Variants in GABRA2 observed in about 807,000 individuals in gnomAD.
The protein encoded by GABRA2 is gamma-aminobutyric acid type A receptor subunit alpha2, also known as gamma-aminobutyric acid receptor subunit alpha-2.
Under a neutral mutation model 48.7 loss-of-function variants are expected in GABRA2, and 16 were observed. That is an observed-to-expected ratio of 0.33 (90% CI 0.22 to 0.50). The LOEUF is 0.50. Among genes scored for constraint, GABRA2 ranks in the 20% least tolerant of loss-of-function variants. The pLI is 0.98. For missense variants in GABRA2, 275 were observed against 535.6 expected, an observed-to-expected ratio of 0.51 and a Z score of 4.80; for synonymous variants, 185 against 184.5, an observed-to-expected ratio of 1.00 and a Z score of -0.02.
chr4:46,373,793 T>C (rs949513715), intron 3 of GABRA2, among the ~76,000 whole-genome samples: 3 of 152,200 alleles, frequency 2.0e-5, no homozygotes, highest in Non-Finnish European at 2.9e-5. Context: ...TACTCGAATA[T>C]GTGTTGCACA....
rs181663160 is a variant in GABRA2, at chr4:46,305,417, A to G, written c.703+151T>C. 1,623 of 641,606 alleles carry G rather than the reference A, an allele frequency of 2.5e-3. 23 individuals are homozygous for G. In the African/African-American group the frequency reaches 0.027, roughly 11 times the overall value. The allele number at this position is 641,606 out of a possible 1,614,324, so 39.7% of individuals were successfully genotyped here. On this transcript the variant is annotated intron_variant, in intron 7 of 9. Transcript: ENST00000381620. ...ACCCTAAAACTTAAAGTATAATTAA[A>G]AAAAAAAAAAACAAGCTCCCAAGCA...
At chr4:46,377,280 A>G (rs1295977769) in intron 3 of GABRA2, among the ~76,000 whole-genome samples, 3 of 138,752 alleles carry the variant, frequency 2.2e-5, no homozygotes, top group African/African-American at 8.3e-5. Flanking sequence ...CATCCCATCT[A>G]GGAAGTGAGG....
At chr4:46,273,444 A>C (rs1336060675) in intron 8 of GABRA2, among the ~76,000 whole-genome samples, 1 of 43,560 alleles carries the variant, frequency 2.3e-5, no homozygotes, top group South Asian at 1.4e-3. Context: ...ATATTTAGAC[A>C]GTCTCTCTAT....
At chr4:46,267,910 T>C (rs1405621422) in intron 8 of GABRA2, among the ~76,000 whole-genome samples, 2 of 151,948 alleles carry the variant, frequency 1.3e-5, no homozygotes, top group Non-Finnish European at 2.9e-5. Context: ...ATGGATGCTG[T>C]TTCAGATTTT....
At chr4:46,389,616 T>C (rs1055083936) in intron 1 of GABRA2, 119 bp downstream of exon 1, 2 of 553,630 alleles carry the variant, frequency 3.6e-6, no homozygotes, top group Non-Finnish European at 4.6e-6. Context: ...GGTGCGGGAA[T>C]TGAGCCTCCT....
intron 4 of GABRA2, among the ~76,000 whole-genome samples, chr4:46,329,351 G>T (rs1294896301): frequency 6.6e-6 from 1 of 152,026 alleles, no homozygotes; most frequent in East Asian, 1.9e-4. Context: ...TTCTTTCTTG[G>T]TCTCTCTGGG....
chr4:46,362,435 T>C (rs898722385), intron 3 of GABRA2, among the ~76,000 whole-genome samples: 5 of 152,170 alleles, frequency 3.3e-5, no homozygotes, highest in Non-Finnish European at 7.3e-5. Flanking sequence ...CCTCTTTCTT[T>C]TGTGAATTGC....
chr4:46,370,960 A>G (rs1714796426), intron 3 of GABRA2, among the ~76,000 whole-genome samples: 1 of 152,060 alleles, frequency 6.6e-6, no homozygotes, highest in Non-Finnish European at 1.5e-5. Flanking sequence ...GGGGCATTGT[A>G]GGTTACTGAA....
intron 8 of GABRA2, among the ~76,000 whole-genome samples, chr4:46,285,026 CAAAAAA>C (rs201301399): frequency 8.4e-6 from 1 of 118,516 alleles, no homozygotes; most frequent in Non-Finnish European, 1.8e-5. Flanking sequence ...TGCTCACCCT[CAAAAAA>C]AAAAAAAAAA....
intron 8 of GABRA2, among the ~76,000 whole-genome samples, chr4:46,265,471 T>G (rs1201155638): frequency 9.4e-6 from 1 of 105,958 alleles, no homozygotes; most frequent in Non-Finnish European, 1.8e-5. Context: ...ATATATATAA[T>G]ATATTGTGTA....
rs777971468 is a variant in GABRA2 at position 46,250,424 on chromosome 4, C to T, written c.1240G>A (p.Val414Ile). The change falls in exon 10 of 10, where the codon GTT becomes ATT. Residue 414 changes from valine (V) to isoleucine (I), a missense_variant. Val to Ile is a conservative substitution (Grantham distance 29). Coordinates refer to ENST00000381620, the MANE Select transcript of GABRA2 (RefSeq NM_000807.4). ...CTGGACATTCTGTCAATTTTGCTAA[C>T]ACTGTTGAAAGTTTTCTTTGCTTCA... Reference protein sequence around the residue: ...PAEAKKTFNSVSKIDRMSRIV... With the variant: ...PAEAKKTFNSISKIDRMSRIV... 1.2e-6 allele frequency: 2 copies of T among 1,611,840 alleles called. No homozygotes were observed. Among genetic ancestry groups the T allele is most frequent in the Non-Finnish European group, 8.5e-7 (1 of 1,178,560 alleles).
At chr4:46,284,091 A>T (rs954882144) in intron 8 of GABRA2, among the ~76,000 whole-genome samples, 1 of 151,970 alleles carries the variant, frequency 6.6e-6, no homozygotes, top group East Asian at 1.9e-4. Context: ...AAAAAAAAAA[A>T]AAAACTCTGT....
chr4:46,369,124 A>C, intron 3 of GABRA2: 1 of 614,796 alleles, frequency 1.6e-6, no homozygotes, highest in Non-Finnish European at 3.0e-6. Context: ...AATATACTCA[A>C]ACGTTTCCTT....
chr4:46,316,147 T>A (rs1728520537), intron 4 of GABRA2, among the ~76,000 whole-genome samples: 1 of 151,960 alleles, frequency 6.6e-6, no homozygotes. Context: ...CACAATATCA[T>A]CATCGTTTTT....
intron 8 of GABRA2, chr4:46,303,151 CAA>C (rs55754015): frequency 4.4e-3 from 925 of 209,314 alleles, no homozygotes; most frequent in Middle Eastern, 0.011. Context: ...ATTTTTTGAG[CAA>C]AAAAAAAAAA....
At chr4:46,312,779 A>G (rs2109693239) in intron 4 of GABRA2, 63 bp from the exon 5 acceptor site, 1 of 800,676 alleles carries the variant, frequency 1.2e-6, no homozygotes, top group Non-Finnish European at 1.9e-6. Flanking sequence ...ACACGGTAAA[A>G]TTCCAAAATA....
chr4:46,350,058 T>G (rs937270176), intron 3 of GABRA2, among the ~76,000 whole-genome samples: 2 of 151,826 alleles, frequency 1.3e-5, no homozygotes, highest in Non-Finnish European at 2.9e-5. Flanking sequence ...TGATCAAAAT[T>G]TATCTTCATG....
intron 9 of GABRA2, among the ~76,000 whole-genome samples, chr4:46,259,974 C>A (rs62304112): frequency 1.3e-5 from 2 of 151,804 alleles, no homozygotes; most frequent in Non-Finnish European, 2.9e-5. Context: ...AAACATCTCT[C>A]AAAACTCATC....
chr4:46,251,782 A>G (rs375532062), intron 9 of GABRA2, among the ~76,000 whole-genome samples: 5 of 151,464 alleles, frequency 3.3e-5, no homozygotes, highest in East Asian at 2.0e-4. Flanking sequence ...TTCTCATTCA[A>G]TGAAGGCTGG....
Sources: allele counts gnomAD v4.1 joint callset (sites outside exome capture counted in the v4.1 genomes callset), GRCh38; gene constraint gnomAD v4.1.1; transcripts MANE v1.5; gene names NCBI Gene and HGNC (gene_info 2026-07-23, HGNC 2026-07-21).